The following SLCO5A1 variants were observed in gnomAD, a reference collection of about 807,000 sequenced individuals.
SLCO5A1 encodes solute carrier organic anion transporter family member 5A1, also known as organic anion transporter polypeptide-related protein 4.
A neutral mutation model predicts 65.1 loss-of-function variants in SLCO5A1; 39 were observed. That is an observed-to-expected ratio of 0.60 (90% confidence interval 0.46 to 0.78). The LOEUF is 0.78. Ranked by LOEUF, SLCO5A1 falls within the 30% of genes least tolerant of loss-of-function variation. SLCO5A1 has a pLI of 0.00. For synonymous variants in SLCO5A1, 438 were observed against 415.7 expected, an observed-to-expected ratio of 1.05 and a Z score of -0.65; for missense variants, 1,029 against 1,069.4, an observed-to-expected ratio of 0.96 and a Z score of 0.53.
At chr8:69,757,002 A>T (rs1470894903) in intron 3 of SLCO5A1, among the ~76,000 whole-genome samples, 1 of 152,234 alleles carries the variant, frequency 6.6e-6, no homozygotes, top group Non-Finnish European at 1.5e-5. Flanking sequence ...GCAGCATCAT[A>T]AGTATTAACG....
In SLCO5A1 at chr8:69,831,966, C is replaced by G. The variant is rs1821170965; in HGVS notation, c.708G>C (p.Leu236=). The change falls in exon 2 of 10, where the codon CTG becomes CTC. Residue 236 remains leucine (L), a synonymous_variant. Coordinates refer to ENST00000260126, the MANE Select transcript of SLCO5A1 (RefSeq NM_030958.3). ...ELNASAPNDG[L]CQGGNSTATL... ...TGGCGGTGGAGTTGCCACCCTGACA[C>G]AGGCCGTCGTTGGGGGCCGAGGCGT... The G allele has an allele frequency of 1.9e-6, 3 of 1,593,494 alleles. No individual in the cohort carries two copies. In the East Asian group the frequency reaches 6.7e-5, roughly 36 times the overall value.
intron 2 of SLCO5A1, among the ~76,000 whole-genome samples, chr8:69,823,047 A>G (rs1016628038): frequency 1.3e-5 from 2 of 152,194 alleles, no homozygotes; most frequent in Non-Finnish European, 2.9e-5. Flanking sequence ...TATTCTAGAT[A>G]TGCATCCTTC....
chr8:69,760,739 T>C (rs1268093500), intron 3 of SLCO5A1, among the ~76,000 whole-genome samples: 2 of 152,218 alleles, frequency 1.3e-5, no homozygotes, highest in Non-Finnish European at 2.9e-5. Context: ...TAACTTATCA[T>C]GTTCAAGTTG....
At chr8:69,701,064 G>A (rs1230717130) in intron 6 of SLCO5A1, among the ~76,000 whole-genome samples, 3 of 152,094 alleles carry the variant, frequency 2.0e-5, no homozygotes, top group Non-Finnish European at 4.4e-5. Flanking sequence ...ATGAGAGTAG[G>A]GGGACTGTGG....
At chr8:69,779,138 G>A (rs764866490) in intron 2 of SLCO5A1, among the ~76,000 whole-genome samples, 6 of 152,036 alleles carry the variant, frequency 3.9e-5, no homozygotes, top group Admixed American at 1.3e-4. Flanking sequence ...AAAGTTTGCC[G>A]GCCCTTATAA....
chr8:69,803,556 T>C (rs935460210), intron 2 of SLCO5A1, among the ~76,000 whole-genome samples: 6 of 152,058 alleles, frequency 3.9e-5, no homozygotes, highest in Non-Finnish European at 8.8e-5. Context: ...ACACGGAGCC[T>C]TGTTACCAAA....
At chr8:69,708,297 C>T (rs564933037) in intron 5 of SLCO5A1, among the ~76,000 whole-genome samples, 50 of 152,246 alleles carry the variant, frequency 3.3e-4, no homozygotes, top group African/African-American at 1.1e-3. Context: ...ACTTCTTTGC[C>T]TCGTCATGGA....
chr8:69,799,353 G>A (rs752752617), intron 2 of SLCO5A1, among the ~76,000 whole-genome samples: 3 of 152,270 alleles, frequency 2.0e-5, no homozygotes, highest in South Asian at 2.1e-4. Context: ...CAAGAAATGT[G>A]TATTTCAATG....
chr8:69,772,822 T>C (rs1436056338), intron 2 of SLCO5A1: 8 of 536,346 alleles, frequency 1.5e-5, no homozygotes, highest in African/African-American at 1.2e-4. Context: ...CACTCATCCA[T>C]GCACTCTGTG....
At chr8:69,779,843 G>A (rs1363305295) in intron 2 of SLCO5A1, among the ~76,000 whole-genome samples, 1 of 152,094 alleles carries the variant, frequency 6.6e-6, no homozygotes, top group East Asian at 1.9e-4. Flanking sequence ...TACAGCAAAA[G>A]AGAGAGTCAA....
intron 2 of SLCO5A1, 28 bp downstream of exon 2, chr8:69,831,739 C>T (rs1223079893): frequency 3.1e-6 from 5 of 1,590,360 alleles, no homozygotes; most frequent in East Asian, 2.2e-5. Flanking sequence ...GTGAGTGAAA[C>T]ATATCTGAGA....
In SLCO5A1 at chr8:69,824,432, T is replaced by C. The variant is rs1243149008; in HGVS notation, c.907+7335A>G. 2.6e-5 allele frequency among the ~76,000 whole-genome samples: 4 copies of C among 152,174 alleles called. No homozygotes were observed. The East Asian group carries it at 7.7e-4, about 29-fold the overall frequency. ...AGAATCAAATAGATGCAATAAAAAA[T>C]GATAAAGGGGATATCACCACCGATC... is the stretch of plus-strand genomic sequence containing the variant. On this transcript the variant is annotated intron_variant, in intron 2 of 9. Transcript: ENST00000260126.
chr8:69,677,146 T>C (rs557980975), intron 8 of SLCO5A1, among the ~76,000 whole-genome samples: 1 of 152,054 alleles, frequency 6.6e-6, no homozygotes, highest in African/African-American at 2.4e-5. Context: ...GAAAGAAGAG[T>C]AAAGAATAAA....
intron 6 of SLCO5A1, 128 bp from the exon 7 acceptor site, chr8:69,682,471 C>T (rs1266741336): frequency 2.3e-5 from 20 of 854,896 alleles, no homozygotes; most frequent in Non-Finnish European, 3.1e-5. Context: ...GCCATGATAC[C>T]CAAAGTAGTC....
Position 69,690,232 on chromosome 8 carries a change from C to A in SLCO5A1, c.1623-7889G>T, listed in dbSNP as rs375781423. Among the ~76,000 whole-genome samples, 913 of 152,292 alleles carry A rather than the reference C, an allele frequency of 6.0e-3. 15 individuals carry two copies. Among genetic ancestry groups the A allele is most frequent in the African/African-American group, 0.021 (872 of 41,554 alleles). On this transcript the variant is annotated intron_variant, in intron 6 of 9. Transcript: ENST00000260126. ...TGGGAATCTCGTTCATCCATTCATGCGCGTCACTAATTAGATGACGAGGCA... is the reference window on the plus strand; with the variant it reads ...TGGGAATCTCGTTCATCCATTCATGAGCGTCACTAATTAGATGACGAGGCA...
intron 6 of SLCO5A1, among the ~76,000 whole-genome samples, chr8:69,686,815 C>G (rs1814022215): frequency 6.6e-6 from 1 of 152,124 alleles, no homozygotes; most frequent in African/African-American, 2.4e-5. Flanking sequence ...GGAGAAAGCT[C>G]TAATGCAGTT....
intron 2 of SLCO5A1, among the ~76,000 whole-genome samples, chr8:69,807,023 C>T (rs1820021198): frequency 1.3e-5 from 2 of 152,102 alleles, no homozygotes; most frequent in South Asian, 2.1e-4. Context: ...AAAAAGAGCT[C>T]GATTAGCCAA....
chr8:69,811,544 G>A lies in SLCO5A1; in HGVS notation c.907+20223C>T, dbSNP rs116180127. Among the ~76,000 whole-genome samples the A allele has an allele frequency of 9.2e-4, 140 of 152,188 alleles. 1 individual carries two copies. The highest frequency in any genetic ancestry group is 3.3e-3 in the African/African-American group (139 of 41,512). On this transcript the variant is annotated intron_variant, in intron 2 of 9. Coordinates refer to ENST00000260126, the MANE Select transcript of SLCO5A1 (RefSeq NM_030958.3). ...GTGTAATGAAGCCCACATTTCTTAT[G>A]CCTCTTGGCTCAGGGTCAACCAAAT...
At chr8:69,681,585 C>T (rs1027231039) in intron 7 of SLCO5A1, among the ~76,000 whole-genome samples, 10 of 152,266 alleles carry the variant, frequency 6.6e-5, no homozygotes, top group East Asian at 5.8e-4. Flanking sequence ...AAGAGCAAAA[C>T]TCCATCTCAA....
Sources: gnomAD v4.1 joint callset for allele counts (sites outside exome capture counted in the v4.1 genomes callset) on GRCh38, gnomAD v4.1.1 for gene constraint, MANE v1.5 for transcripts, NCBI Gene and HGNC (gene_info 2026-07-23, HGNC 2026-07-21) for gene names.